Variants in SPAG16 observed in about 807,000 individuals in gnomAD.
SPAG16 encodes sperm associated antigen 16.
In SPAG16, 86 loss-of-function variants were observed where a neutral mutation model predicts 80.4. The ratio of observed to expected loss-of-function variants is 1.07; its 90% CI spans 0.90 to 1.28. SPAG16 has a LOEUF of 1.28. Among genes scored for constraint, SPAG16 ranks in the 50% most tolerant of loss-of-function variants. The pLI, the probability that SPAG16 is intolerant of heterozygous loss-of-function variation, is 0.00. For synonymous variants in SPAG16, 294 were observed against 265.9 expected, an observed-to-expected ratio of 1.11 and a Z score of -1.03; for missense variants, 870 against 765.3, an observed-to-expected ratio of 1.14 and a Z score of -1.61.
At chr2:214,299,080 G>A (rs1694356898) in intron 15 of SPAG16, among the ~76,000 whole-genome samples, 1 of 152,084 alleles carries the variant, frequency 6.6e-6, no homozygotes. Context: ...AAATCTTGGA[G>A]TATCTGTGAG....
rs140486125 is a variant in SPAG16, at chr2:214,319,200, C to CACCACACACACA, written c.1721-90940_1721-90939insACCACACACACA. ...CCTAATAAACTTGCACACACACACA[C>CACCACACACACA]CACACACACACACACACACACACAA... On this transcript the variant is annotated intron_variant, in intron 15 of 15. Coordinates refer to ENST00000331683, the MANE Select transcript of SPAG16 (RefSeq NM_024532.5). 3.7e-3 allele frequency among the ~76,000 whole-genome samples: 532 copies of CACCACACACACA among 142,338 alleles called. 5 individuals are homozygous for CACCACACACACA. Among genetic ancestry groups the CACCACACACACA allele is most frequent in the African/African-American group, 0.011 (438 of 38,132 alleles). The allele number at this position is 142,338 out of a possible 152,430, so 93.4% of individuals were successfully genotyped here.
At chr2:213,293,884 T>C (rs1242427458) in intron 1 of SPAG16, among the ~76,000 whole-genome samples, 1 of 152,178 alleles carries the variant, frequency 6.6e-6, no homozygotes, top group Non-Finnish European at 1.5e-5. Context: ...CCAAGCTAAT[T>C]AACCTATTTA....
chr2:214,230,793 T>C (rs1221411812), intron 15 of SPAG16, among the ~76,000 whole-genome samples: 1 of 151,750 alleles, frequency 6.6e-6, no homozygotes, highest in African/African-American at 2.4e-5. Flanking sequence ...AGGTGATGAA[T>C]GGGGAGGCAA....
intron 15 of SPAG16, among the ~76,000 whole-genome samples, chr2:214,250,757 T>TATATATAGAGAG (rs1475343777): frequency 3.3e-5 from 3 of 91,278 alleles, no homozygotes; most frequent in South Asian, 4.5e-4. Flanking sequence ...TATATATATA[T>TATATATAGAGAG]AGAGAGAGAG....
chr2:214,174,179 A>G (rs1253690439), intron 15 of SPAG16, among the ~76,000 whole-genome samples: 2 of 152,114 alleles, frequency 1.3e-5, no homozygotes, highest in East Asian at 3.9e-4. Flanking sequence ...CAAGACAGGG[A>G]TGCCCTCTCT....
At chr2:213,559,080 T>G (rs1335938114) in intron 10 of SPAG16, among the ~76,000 whole-genome samples, 1 of 152,190 alleles carries the variant, frequency 6.6e-6, no homozygotes, top group African/African-American at 2.4e-5. Context: ...GAATTCATTT[T>G]AGCCATACAA....
At chr2:214,404,065 T>C (rs1701858308) in intron 15 of SPAG16, among the ~76,000 whole-genome samples, 1 of 151,840 alleles carries the variant, frequency 6.6e-6, no homozygotes, top group Non-Finnish European at 1.5e-5. Flanking sequence ...GAAGAAACAA[T>C]CCAAAGGTAG....
intron 4 of SPAG16, 132 bp from the exon 5 acceptor site, chr2:213,317,087 T>C: frequency 1.9e-6 from 1 of 519,964 alleles, no homozygotes; most frequent in Non-Finnish European, 3.4e-6. Flanking sequence ...GTTGGACATT[T>C]TAACTTATAA....
At chr2:213,713,576 A>G (rs1422569323) in intron 10 of SPAG16, among the ~76,000 whole-genome samples, 3 of 152,224 alleles carry the variant, frequency 2.0e-5, no homozygotes, top group East Asian at 1.9e-4. Flanking sequence ...TAGGGCGTCA[A>G]TGACATAAGG....
chr2:213,679,716 A>T (rs879918700), intron 10 of SPAG16, among the ~76,000 whole-genome samples: 10 of 152,196 alleles, frequency 6.6e-5, no homozygotes, highest in Admixed American at 5.2e-4. Context: ...ATGATACTTT[A>T]AATTTTTAAA....
chr2:214,368,909 T>G (rs962632639), intron 15 of SPAG16, among the ~76,000 whole-genome samples: 1 of 152,100 alleles, frequency 6.6e-6, no homozygotes, highest in African/African-American at 2.4e-5. Flanking sequence ...CTACTCTCTT[T>G]CATATCCCCT....
At chr2:213,463,784 G>A (rs2072518342) in intron 9 of SPAG16, among the ~76,000 whole-genome samples, 1 of 152,222 alleles carries the variant, frequency 6.6e-6, no homozygotes, top group Non-Finnish European at 1.5e-5. Flanking sequence ...TGGGGTTGGA[G>A]CCCCCATACA....
At chr2:214,052,006 T>C (rs2049672705) in intron 13 of SPAG16, among the ~76,000 whole-genome samples, 1 of 152,244 alleles carries the variant, frequency 6.6e-6, no homozygotes, top group Non-Finnish European at 1.5e-5. Flanking sequence ...TGCATATTAA[T>C]AGATATTGAA....
At chr2:214,374,840 C>A (rs1266461887) in intron 15 of SPAG16, among the ~76,000 whole-genome samples, 1 of 152,162 alleles carries the variant, frequency 6.6e-6, no homozygotes, top group East Asian at 1.9e-4. Context: ...TTTTAATAAG[C>A]ACTCCTTCCT....
chr2:213,758,616 C>T (rs1002491089), intron 10 of SPAG16, among the ~76,000 whole-genome samples: 1 of 151,854 alleles, frequency 6.6e-6, no homozygotes, highest in Non-Finnish European at 1.5e-5. Flanking sequence ...AGTCAGTAAA[C>T]TTGAAGATAG....
intron 13 of SPAG16, 105 bp from the exon 14 acceptor site, chr2:214,108,091 G>A (rs1395007663): frequency 2.6e-6 from 2 of 769,392 alleles, no homozygotes; most frequent in Non-Finnish European, 4.2e-6. Flanking sequence ...TATTAATTCT[G>A]GGAGGAGGGG....
At chr2:213,529,360 A>T (rs1199228471) in intron 10 of SPAG16, among the ~76,000 whole-genome samples, 2 of 152,112 alleles carry the variant, frequency 1.3e-5, no homozygotes, top group African/African-American at 2.4e-5. Context: ...TCTGTATTAA[A>T]CCCTGCATTA....
At position 213,342,278 on chromosome 2, in the gene SPAG16, T is replaced by TATATATGTATATATATG. The variant is rs1559430242; in HGVS notation, c.644+2009_644+2010insTATATGTATATATATGA. On this transcript the variant is annotated intron_variant, in intron 6 of 15. Coordinates refer to ENST00000331683, the MANE Select transcript of SPAG16 (RefSeq NM_024532.5). ...TGCAGCAAAGTGTATATATATTACA[T>TATATATGTATATATATG]ACATATGTATATATATATGACATAT... Among the ~76,000 whole-genome samples, 1,305 of 148,806 alleles carry TATATATGTATATATATG rather than the reference T, an allele frequency of 8.8e-3. 23 individuals are homozygous for TATATATGTATATATATG. Among genetic ancestry groups the TATATATGTATATATATG allele is most frequent in the African/African-American group, 0.03 (1,216 of 40,806 alleles).
chr2:214,314,523 G>C (rs562316153), intron 15 of SPAG16, among the ~76,000 whole-genome samples: 12 of 152,182 alleles, frequency 7.9e-5, no homozygotes, highest in African/African-American at 2.9e-4. Context: ...CTGTGGGTTT[G>C]AATCCCACCC....
Sources: gnomAD v4.1 joint callset for allele counts (sites outside exome capture counted in the v4.1 genomes callset) on GRCh38, gnomAD v4.1.1 for gene constraint, MANE v1.5 for transcripts, NCBI Gene and HGNC (gene_info 2026-07-23, HGNC 2026-07-21) for gene names.